The following CECR2 variants were observed in gnomAD, a reference collection of about 807,000 sequenced individuals.
CECR2 encodes the protein CECR2 histone acetyl-lysine reader, also known as chromatin remodeling regulator CECR2.
In CECR2, 30 loss-of-function variants were observed where a neutral mutation model predicts 154.5. The ratio of observed to expected loss-of-function variants is 0.19; its 90% CI spans 0.15 to 0.26. The LOEUF is 0.26. CECR2 is among the 10% of genes least tolerant of loss of function. The probability of loss-of-function intolerance (pLI) is 1.00; values close to 1 mark genes in which losing one functional copy is unlikely to be tolerated. For missense variants in CECR2, 1,743 were observed against 1,829.3 expected (o/e 0.95, Z 0.86); for synonymous variants, 725 against 683.7 (o/e 1.06, Z -0.94).
intron 2 of CECR2, among the ~76,000 whole-genome samples, chr22:17,491,852 C>T (rs188471106): frequency 4.3e-4 from 65 of 152,224 alleles, no homozygotes; most frequent in South Asian, 1.7e-3. Flanking sequence ...TTTCTCTAGG[C>T]AAAGATGTTT....
At chr22:17,485,806 AT>A (rs1253613391) in intron 2 of CECR2, among the ~76,000 whole-genome samples, 8 of 152,268 alleles carry the variant, frequency 5.3e-5, no homozygotes, top group African/African-American at 1.9e-4. Flanking sequence ...GAAGAATGAA[AT>A]TTTTGATATA....
chr22:17,373,735 C>A (rs780679614), intron 1 of CECR2, among the ~76,000 whole-genome samples: 1 of 152,142 alleles, frequency 6.6e-6, no homozygotes, highest in Non-Finnish European at 1.5e-5. Flanking sequence ...TAGTTGATAT[C>A]ATTAAGCCCC....
At chr22:17,535,128 G>A (rs987085474) in intron 9 of CECR2, among the ~76,000 whole-genome samples, 3 of 151,866 alleles carry the variant, frequency 2.0e-5, no homozygotes, top group African/African-American at 7.3e-5. Flanking sequence ...TCCAGCCTGA[G>A]CGACAGAGTG....
chr22:17,537,606 G>A (rs1168720325), intron 10 of CECR2, among the ~76,000 whole-genome samples: 1 of 152,146 alleles, frequency 6.6e-6, no homozygotes, highest in Non-Finnish European at 1.5e-5. Flanking sequence ...AACTCAAGAG[G>A]CAGATACACA....
At chr22:17,516,854 A>C (rs1049573733) in intron 8 of CECR2, among the ~76,000 whole-genome samples, 3 of 151,822 alleles carry the variant, frequency 2.0e-5, no homozygotes, top group African/African-American at 7.3e-5. Flanking sequence ...TCGTCCTCCC[A>C]AAGTGCTGGG....
At chr22:17,499,844 A>T (rs2055702939) in intron 4 of CECR2, among the ~76,000 whole-genome samples, 1 of 152,196 alleles carries the variant, frequency 6.6e-6, no homozygotes, top group African/African-American at 2.4e-5. Flanking sequence ...TCAGCAGCAC[A>T]ATCATTTCAC....
chr22:17,394,607 C>T (rs1171050744), intron 1 of CECR2, among the ~76,000 whole-genome samples: 1 of 152,066 alleles, frequency 6.6e-6, no homozygotes, highest in African/African-American at 2.4e-5. Context: ...AAGTGTGAGT[C>T]CTCCTCCTTT....
At chr22:17,464,075 C>T (rs577485759) in intron 1 of CECR2, among the ~76,000 whole-genome samples, 1 of 152,262 alleles carries the variant, frequency 6.6e-6, no homozygotes, top group South Asian at 2.1e-4. Context: ...GGCTTGGTTG[C>T]AGTACAATGG....
intron 1 of CECR2, among the ~76,000 whole-genome samples, chr22:17,471,405 C>G (rs185833516): frequency 6.6e-6 from 1 of 152,282 alleles, no homozygotes; most frequent in East Asian, 1.9e-4. Context: ...ACACCAAAGA[C>G]TTTTGAACAA....
chr22:17,460,365 A>G (rs764929025), intron 1 of CECR2, among the ~76,000 whole-genome samples: 47 of 152,250 alleles, frequency 3.1e-4, no homozygotes, highest in Non-Finnish European at 6.5e-4. Context: ...GCGTGCCACC[A>G]TGCCCGGCTA....
chr22:17,362,078 T>C (rs553069473), intron 1 of CECR2, among the ~76,000 whole-genome samples: 1 of 152,182 alleles, frequency 6.6e-6, no homozygotes, highest in Non-Finnish European at 1.5e-5. Flanking sequence ...AGTCCCTCTC[T>C]GTCGCCCAGG....
At chr22:17,523,905 T>G (rs2056204782) in intron 8 of CECR2, among the ~76,000 whole-genome samples, 3 of 152,202 alleles carry the variant, frequency 2.0e-5, no homozygotes, top group African/African-American at 7.2e-5. Context: ...TATAAATTGT[T>G]GGACACAAAA....
At chr22:17,522,220 GT>G (rs935008761) in intron 8 of CECR2, among the ~76,000 whole-genome samples, 1 of 152,088 alleles carries the variant, frequency 6.6e-6, no homozygotes, top group South Asian at 2.1e-4. Flanking sequence ...ACCTTATGGT[GT>G]TTTTTTGGCA....
chr22:17,531,461 G>A (rs1169632777), intron 9 of CECR2, among the ~76,000 whole-genome samples: 1 of 152,208 alleles, frequency 6.6e-6, no homozygotes, highest in Non-Finnish European at 1.5e-5. Flanking sequence ...TATAAAACCA[G>A]CAGAGAAGGG....
intron 1 of CECR2, among the ~76,000 whole-genome samples, chr22:17,457,113 G>A (rs1046408360): frequency 7.9e-5 from 12 of 152,298 alleles, no homozygotes; most frequent in African/African-American, 2.4e-4. Context: ...CACAACCTCC[G>A]CCCCCGCGGG....
chr22:17,411,212 T>C (rs2054064165), intron 1 of CECR2, among the ~76,000 whole-genome samples: 1 of 152,258 alleles, frequency 6.6e-6, no homozygotes, highest in South Asian at 2.1e-4. Context: ...GTGAAGGCAT[T>C]GCTTTAGTTG....
intron 8 of CECR2, among the ~76,000 whole-genome samples, chr22:17,521,524 CAAAAA>C (rs695285): frequency 7.0e-6 from 1 of 142,310 alleles, no homozygotes; most frequent in Non-Finnish European, 1.5e-5. Flanking sequence ...GACTCCATCT[CAAAAA>C]AAAAAAAAAG....
At chr22:17,434,737 C>A (rs2054477635) in intron 1 of CECR2, among the ~76,000 whole-genome samples, 2 of 151,244 alleles carry the variant, frequency 1.3e-5, no homozygotes, top group Admixed American at 6.6e-5. Flanking sequence ...CTTTTGTGGT[C>A]ATTTTGGGTG....
At chr22:17,378,529 C>A (rs1181137860) in intron 1 of CECR2, among the ~76,000 whole-genome samples, 2 of 151,750 alleles carry the variant, frequency 1.3e-5, no homozygotes, top group East Asian at 3.9e-4. Context: ...ATCTCCTGAC[C>A]CCCTCCTCGG....
Sources: gnomAD v4.1 joint callset for allele counts (sites outside exome capture counted in the v4.1 genomes callset) on GRCh38, gnomAD v4.1.1 for gene constraint, MANE v1.5 for transcripts, NCBI Gene and HGNC (gene_info 2026-07-23, HGNC 2026-07-21) for gene names.